Variants in OSBP2 observed in about 807,000 individuals in gnomAD.
OSBP2 encodes the protein oxysterol-binding protein 2.
OSBP2 carries 66 observed loss-of-function variants against 96.0 expected under a neutral mutation model. The observed-to-expected ratio is 0.69, with a 90% CI of 0.56 to 0.84. The LOEUF is 0.84. Ranked by LOEUF, OSBP2 falls within the 40% of genes least tolerant of loss-of-function variation. The pLI, the probability that OSBP2 is intolerant of heterozygous loss-of-function variation, is 0.00. For missense variants in OSBP2, 1,038 were observed against 1,222.7 expected (o/e 0.85, Z 2.25); for synonymous variants, 525 against 520.9 (o/e 1.01, Z -0.11).
At position 30,694,952 on chromosome 22, in the gene OSBP2, G is replaced by T. The variant is rs1354382057; in HGVS notation, c.43G>T (p.Gly15Cys). The T allele has an allele frequency of 3.4e-6, 5 of 1,479,250 alleles. No homozygotes were observed. The South Asian group carries it at 5.4e-5, about 16-fold the overall frequency. The allele number at this position is 1,479,250 out of a possible 1,614,324, so 91.6% of individuals were successfully genotyped here. The change falls in exon 1 of 14, where the codon GGC (glycine) becomes TGC (cysteine). Residue 15 changes from glycine to cysteine, a missense_variant. Coordinates refer to ENST00000332585, the MANE Select transcript of OSBP2 (RefSeq NM_030758.4). ...AAPSRGGGCG[G>C]RSRGLSSLFT... ...TCCGAGCCGAGGCGGCGGCTGTGGC[G>T]GCCGCTCCCGCGGGCTCTCGTCGCT...
chr22:30,707,772 A>G (rs555231400), intron 1 of OSBP2, among the ~76,000 whole-genome samples: 3 of 152,152 alleles, frequency 2.0e-5, no homozygotes, highest in African/African-American at 7.2e-5. Flanking sequence ...TTCCTAGTAT[A>G]AAGACCCAAC....
intron 2 of OSBP2, among the ~76,000 whole-genome samples, chr22:30,818,487 A>C (rs1365030735): frequency 6.6e-6 from 1 of 152,130 alleles, no homozygotes; most frequent in African/African-American, 2.4e-5. Flanking sequence ...ACTGGGCTGT[A>C]GGGTGTGGAT....
chr22:30,876,529 T>C (rs544339856), intron 3 of OSBP2, among the ~76,000 whole-genome samples: 16 of 152,352 alleles, frequency 1.1e-4, no homozygotes, highest in African/African-American at 2.9e-4. Flanking sequence ...GTTCACACGA[T>C]TCCTGAGCAT....
intron 2 of OSBP2, among the ~76,000 whole-genome samples, chr22:30,808,917 G>T (rs1387410720): frequency 6.6e-6 from 1 of 152,172 alleles, no homozygotes. Context: ...TTGTGCCACT[G>T]CACTCCAGCC....
In OSBP2 at chr22:30,752,288, C is replaced by CTTTTTTTTTTTTTT. The variant is rs10691256; in HGVS notation, c.853+10934_853+10947dup. On this transcript the variant is annotated intron_variant, in intron 2 of 13. Coordinates refer to ENST00000332585, the MANE Select transcript of OSBP2 (RefSeq NM_030758.4). ...GGCCACATATTTTTTCTTTGCTTTGCTTTTTTTTTTTTTTTTTTTTTTTTT... is the reference window on the plus strand; with the variant it reads ...GGCCACATATTTTTTCTTTGCTTTGCTTTTTTTTTTTTTTTTTTTTTTTTTTTTTTTTTTTTTTT... Among the ~76,000 whole-genome samples the CTTTTTTTTTTTTTT allele has an allele frequency of 4.1e-5, 2 of 48,654 alleles. 1 individual carries two copies. The highest frequency in any genetic ancestry group is 1.7e-4 in the African/African-American group (2 of 11,618). 31.9% of individuals were successfully genotyped at this position (48,654 alleles called of 152,430 possible).
chr22:30,903,830 C>T (rs2040268677), intron 12 of OSBP2, among the ~76,000 whole-genome samples: 1 of 152,238 alleles, frequency 6.6e-6, no homozygotes. Context: ...TCCCACCTCC[C>T]CTTCAATTCA....
intron 1 of OSBP2, among the ~76,000 whole-genome samples, chr22:30,739,482 T>A (rs992377187): frequency 6.6e-6 from 1 of 151,986 alleles, no homozygotes; most frequent in East Asian, 1.9e-4. Context: ...GTTCTTTTTT[T>A]TGTTTGTTTT....
In OSBP2 at chr22:30,867,401, T is replaced by G. The variant is rs1027076970; in HGVS notation, c.854-3028T>G. The stretch of plus-strand genomic sequence containing the variant: ...ACTTTCTTCAAACCCTGCCTTCTCA[T>G]GTGTGATCGCCAACCCCGGGAGGAA... On this transcript the variant is annotated intron_variant, in intron 2 of 13. Coordinates refer to ENST00000332585, the MANE Select transcript of OSBP2 (RefSeq NM_030758.4). Among the ~76,000 whole-genome samples the G allele has an allele frequency of 3.3e-5, 5 of 152,186 alleles. No homozygotes were observed. The South Asian group carries it at 1.0e-3, about 31-fold the overall frequency.
At chr22:30,699,568 G>A (rs868723096) in intron 1 of OSBP2, among the ~76,000 whole-genome samples, 1 of 152,192 alleles carries the variant, frequency 6.6e-6, no homozygotes, top group South Asian at 2.1e-4. Context: ...GCAAGACTTG[G>A]TATTGTCAGT....
rs752277230 is a variant in OSBP2 at position 30,890,775 on chromosome 22, C to T, written c.1671C>T (p.Asp557=). The T allele has an allele frequency of 6.2e-7, 1 of 1,613,384 alleles. No homozygotes were observed. The highest frequency in any genetic ancestry group is 2.2e-5 in the East Asian group (1 of 44,878). The change falls in exon 8 of 14, where the codon GAC becomes GAT. Residue 557 remains aspartate (D), a synonymous_variant. Transcript: ENST00000332585. This position sits in a 1 kb window ranked among gnomAD's most constrained non-coding sequence, Gnocchi z 4.4. ...PLSMLQRLTE[D]LEYHHLLDKA... is the part of the protein sequence containing the mutation. ...CCATGCTCCAGCGGCTGACAGAGGA[C>T]CTGGAGTACCACCACCTGCTGGACA...
chr22:30,889,341 C>T, intron 6 of OSBP2, 107 bp downstream of exon 6: 1 of 1,416,658 alleles, frequency 7.1e-7, no homozygotes, highest in East Asian at 2.3e-5. Context: ...GGCCCATGCC[C>T]CAGTCCAGGA....
chr22:30,800,511 T>G (rs1235496797), intron 2 of OSBP2, among the ~76,000 whole-genome samples: 1 of 152,088 alleles, frequency 6.6e-6, no homozygotes, highest in Non-Finnish European at 1.5e-5. Flanking sequence ...GGGATTTGCT[T>G]TAGATTTGAC....
At chr22:30,694,124 G>A (rs919058685), upstream of OSBP2, 3 of 1,549,420 alleles carry the variant, frequency 1.9e-6, no homozygotes, top group African/African-American at 1.4e-5. Flanking sequence ...GGGATCCCGG[G>A]AGGTCCAAGT....
chr22:30,808,869 A>C (rs2090968933), intron 2 of OSBP2, among the ~76,000 whole-genome samples: 1 of 152,102 alleles, frequency 6.6e-6, no homozygotes, highest in Non-Finnish European at 1.5e-5. Flanking sequence ...CAGGAGAATC[A>C]CTTGAACCCG....
At chr22:30,906,152 G>A (rs751073166) in intron 13 of OSBP2, 45 bp from the exon 14 acceptor site, 3 of 1,612,744 alleles carry the variant, frequency 1.9e-6, no homozygotes, top group Non-Finnish European at 2.5e-6. Context: ...TTCCGGGGGA[G>A]CAGGCCACAA....
chr22:30,729,649 ATATATGTGTGTG>A (rs922517864), intron 1 of OSBP2, among the ~76,000 whole-genome samples: 2 of 151,996 alleles, frequency 1.3e-5, no homozygotes, highest in South Asian at 2.1e-4. Flanking sequence ...AAATATATAT[ATATATGTGTGTG>A]TATATATGTG....
chr22:30,745,393 C>T (rs1390799082), intron 2 of OSBP2, among the ~76,000 whole-genome samples: 1 of 152,178 alleles, frequency 6.6e-6, no homozygotes, highest in African/African-American at 2.4e-5. Context: ...GGCGTGGTGG[C>T]TCACGCCTGT....
intron 1 of OSBP2, among the ~76,000 whole-genome samples, chr22:30,709,229 G>A (rs1228631969): frequency 6.6e-6 from 1 of 152,136 alleles, no homozygotes; most frequent in African/African-American, 2.4e-5. Flanking sequence ...CAATTTCAGT[G>A]GTTTCAAATG....
At chr22:30,888,824 C>A (rs1320290350) in intron 5 of OSBP2, among the ~76,000 whole-genome samples, 2 of 152,186 alleles carry the variant, frequency 1.3e-5, no homozygotes, top group Non-Finnish European at 2.9e-5. Flanking sequence ...ATAGAGCCTG[C>A]CACACACCTG....
Sources: allele counts gnomAD v4.1 joint callset (sites outside exome capture counted in the v4.1 genomes callset), GRCh38; gene constraint gnomAD v4.1.1; non-coding constraint Gnocchi (gnomAD v3.1); transcripts MANE v1.5; gene names NCBI Gene and HGNC (gene_info 2026-07-23, HGNC 2026-07-21).